Variants in NBPF3 observed in about 807,000 individuals in gnomAD.
NBPF3 encodes the protein NBPF family member NBPF3.
In NBPF3, 57 loss-of-function variants were observed where a neutral mutation model predicts 78.1. That is an observed-to-expected ratio of 0.73 (90% CI 0.59 to 0.91). NBPF3 has a LOEUF of 0.91. Ranked by LOEUF, NBPF3 falls within the 40% of genes least tolerant of loss-of-function variation. NBPF3 has a pLI of 0.00. For synonymous variants in NBPF3, 182 were observed against 271.7 expected (o/e 0.67, Z 3.25); for missense variants, 510 against 715.3 (o/e 0.71, Z 3.27).
chr1:21,482,090 T>C (rs1415493191), intron 13 of NBPF3, among the ~76,000 whole-genome samples: 1 of 150,558 alleles, frequency 6.6e-6, no homozygotes, highest in Admixed American at 6.6e-5. Flanking sequence ...CCTTTCTCAC[T>C]CTAATTTCAG....
rs758957120 is a variant in NBPF3, at chr1:21,473,336, CTG to C, written c.735-40_735-39del. ...TAGCACTCCCTGGTGTCCAATCCCT[CTG>C]TGTTTAGTCTTCTGTCATCTCTATC... On this transcript the variant is annotated intron_variant, in intron 6 of 14. Transcript: ENST00000318249. 76 of 1,597,946 alleles carry C rather than the reference CTG, an allele frequency of 4.8e-5. 2 individuals are homozygous for C. In the East Asian group the frequency reaches 1.6e-3, roughly 34 times the overall value.
At chr1:21,443,201 A>G (rs555395965) in intron 1 of NBPF3, among the ~76,000 whole-genome samples, 1 of 152,240 alleles carries the variant, frequency 6.6e-6, no homozygotes, top group Non-Finnish European at 1.5e-5. Context: ...AATTTAAAAA[A>G]TAAGTGCATA....
Position 21,476,529 on chromosome 1 carries a change from C to G in NBPF3, c.992+1578C>G, listed in dbSNP as rs1642897356. Among the ~76,000 whole-genome samples, 1 of 152,176 alleles carries G rather than the reference C, an allele frequency of 6.6e-6. No homozygotes were observed. Among genetic ancestry groups the G allele is most frequent in the African/African-American group, 2.4e-5 (1 of 41,426 alleles). On this transcript the variant is annotated intron_variant, in intron 8 of 14. Transcript: ENST00000318249. This position sits in a 1 kb window ranked among gnomAD's most constrained non-coding sequence, Gnocchi z 4.1. The stretch of plus-strand genomic sequence containing the variant: ...TGTAAAGGATTTTATTTCTCCTTCA[C>G]TTTTGAAGCTTAGTTTCGCTGAGTA...
At position 21,474,780 on chromosome 1, in the gene NBPF3, C is replaced by T; in HGVS notation, c.941-120C>T. 4.1e-6 allele frequency: 4 copies of T among 964,420 alleles called. No individual in the cohort carries two copies. In the South Asian group the frequency reaches 5.1e-5, roughly 12 times the overall value. The allele number at this position is 964,420 out of a possible 1,614,324, so 59.7% of individuals were successfully genotyped here. A position where few individuals can be genotyped will look rare whatever the true frequency, so the allele number is the denominator to read the frequency against. On this transcript the variant is annotated intron_variant, in intron 7 of 14. Coordinates refer to ENST00000318249, the MANE Select transcript of NBPF3 (RefSeq NM_032264.6). The stretch of plus-strand genomic sequence containing the variant: ...CTAGGGCACCCTGGAGTGCTCCTGT[C>T]AGAATCCATATTCTTGCACTGAGAA...
chr1:21,436,801 C>T (rs1007075368), upstream of NBPF3: 2 of 1,146,054 alleles, frequency 1.7e-6, no homozygotes, highest in Middle Eastern at 3.2e-4. This position sits in a 1 kb window ranked among gnomAD's most constrained non-coding sequence, Gnocchi z 4.3. Context: ...GCACCAGCTG[C>T]AGGTCCAGGT....
intron 9 of NBPF3, 121 bp downstream of exon 9, chr1:21,478,428 A>G (rs1314480576): frequency 1.8e-5 from 20 of 1,121,996 alleles, no homozygotes; most frequent in Non-Finnish European, 2.2e-5. Context: ...TGGAACCTAT[A>G]TATCAATGTA....
At chr1:21,445,405 C>A (rs1174577420) in intron 2 of NBPF3, among the ~76,000 whole-genome samples, 186 bp downstream of exon 2, 2 of 152,222 alleles carry the variant, frequency 1.3e-5, no homozygotes, top group African/African-American at 2.4e-5. Context: ...CGCCCATGGC[C>A]TGCAGTGCCG....
At chr1:21,455,459 A>G (rs1198771798) in intron 2 of NBPF3, among the ~76,000 whole-genome samples, 2 of 152,254 alleles carry the variant, frequency 1.3e-5, no homozygotes, top group African/African-American at 4.8e-5. Flanking sequence ...TGTCTGTTAG[A>G]ATAAATCATA....
rs1028357396 is a variant in NBPF3, at chr1:21,460,423, G to A, written c.134-8265G>A. Among the ~76,000 whole-genome samples the A allele has an allele frequency of 2.0e-5, 3 of 152,152 alleles. No individual in the cohort carries two copies. The highest frequency in any genetic ancestry group is 4.8e-5 in the African/African-American group (2 of 41,436). Reference sequence around the variant, plus strand: ...TGGTGTGTGATGTTCCCCGCCCTGTGTCCAAGTGTTCTCATTGTTCAGTTC... The same window carrying A: ...TGGTGTGTGATGTTCCCCGCCCTGTATCCAAGTGTTCTCATTGTTCAGTTC... On this transcript the variant is annotated intron_variant, in intron 2 of 14. Transcript: ENST00000318249. This position sits in a 1 kb window ranked among gnomAD's most constrained non-coding sequence, Gnocchi z 4.2.
intron 13 of NBPF3, among the ~76,000 whole-genome samples, chr1:21,482,062 T>A (rs1408049617): frequency 6.7e-6 from 1 of 149,802 alleles, no homozygotes; most frequent in Admixed American, 6.6e-5. Context: ...TGATTTTGAC[T>A]CAAGGGTTTG....
chr1:21,447,219 T>C (rs1641039771), intron 2 of NBPF3, among the ~76,000 whole-genome samples: 1 of 152,256 alleles, frequency 6.6e-6, no homozygotes, highest in Non-Finnish European at 1.5e-5. Context: ...GTTTTATGAG[T>C]GTGGTCCATT....
chr1:21,468,957 G>GA, intron 3 of NBPF3, 60 bp downstream of exon 3: 1 of 1,279,390 alleles, frequency 7.8e-7, no homozygotes, highest in South Asian at 1.3e-5. Context: ...TTCTCGCTGA[G>GA]AAACTAAATG....
At chr1:21,453,254 C>T (rs1362613188) in intron 2 of NBPF3, 3 of 152,208 alleles carry the variant, frequency 2.0e-5, no homozygotes, top group Admixed American at 6.5e-5. Context: ...CCCTCTCCCT[C>T]CCTGCTCTGG....
At position 21,468,271 on chromosome 1, in the gene NBPF3, C is replaced by T. The variant is rs140484872; in HGVS notation, c.134-417C>T. 5.6e-3 allele frequency: 2,516 copies of T among 453,312 alleles called. 60 individuals carry two copies. Among genetic ancestry groups the T allele is most frequent in the African/African-American group, 0.046 (2,216 of 48,126 alleles). 28.1% of individuals were successfully genotyped at this position (453,312 alleles called of 1,614,324 possible). A position where few individuals can be genotyped will look rare whatever the true frequency, so the allele number is the denominator to read the frequency against. ...AAGAGATGGGTCTGTGGCATTGTCA[C>T]AAGGGTACACGAACACTGAGAGTGA... On this transcript the variant is annotated intron_variant, in intron 2 of 14. Transcript: ENST00000318249.
chr1:21,439,461 C>A (rs1192919898), upstream of NBPF3, among the ~76,000 whole-genome samples: 1 of 151,186 alleles, frequency 6.6e-6, no homozygotes, highest in Non-Finnish European at 1.5e-5. Context: ...TGCACTCCAT[C>A]CTGGGCAACG....
intron 2 of NBPF3, among the ~76,000 whole-genome samples, chr1:21,462,248 G>A (rs9426670): frequency 9.2e-5 from 14 of 152,184 alleles, no homozygotes; most frequent in Non-Finnish European, 1.6e-4. Flanking sequence ...GGGCTAAGGC[G>A]GTGACAACAT....
chr1:21,479,812 CTCTCTCTCTG>C (rs1273923251), intron 10 of NBPF3, among the ~76,000 whole-genome samples: 2 of 31,124 alleles, frequency 6.4e-5, no homozygotes, highest in Non-Finnish European at 9.8e-5. Flanking sequence ...CTCTCTCTCT[CTCTCTCTCTG>C]TGTGTGTGTG....
intron 2 of NBPF3, among the ~76,000 whole-genome samples, chr1:21,463,840 G>A (rs1642098500): frequency 6.6e-6 from 1 of 152,168 alleles, no homozygotes; most frequent in Non-Finnish European, 1.5e-5. Flanking sequence ...TGGCCAAGAA[G>A]CACATGCAAA....
chr1:21,448,428 G>A (rs1641113520), intron 2 of NBPF3, among the ~76,000 whole-genome samples: 2 of 152,000 alleles, frequency 1.3e-5, no homozygotes, highest in Admixed American at 1.3e-4. Flanking sequence ...CTTCATGGAC[G>A]ATCAGTGGAC....
Sources: gnomAD v4.1 joint callset for allele counts (sites outside exome capture counted in the v4.1 genomes callset) on GRCh38, gnomAD v4.1.1 for gene constraint, Gnocchi (gnomAD v3.1) non-coding constraint, MANE v1.5 for transcripts, NCBI Gene and HGNC (gene_info 2026-07-23, HGNC 2026-07-21) for gene names.